PHACTR2: variants seen among roughly 807,000 people sequenced by gnomAD.
PHACTR2 encodes the protein phosphatase and actin regulator 2.
Under a neutral mutation model 76.0 loss-of-function variants are expected in PHACTR2, and 30 were observed. That is an observed-to-expected ratio of 0.39 (90% confidence interval 0.30 to 0.54). The LOEUF is 0.54. Ranked by LOEUF, PHACTR2 falls within the 20% of genes least tolerant of loss-of-function variation. The probability of loss-of-function intolerance (pLI) is 0.61; values close to 1 mark genes in which losing one functional copy is unlikely to be tolerated. For synonymous variants in PHACTR2, 292 were observed against 292.5 expected, an observed-to-expected ratio of 1.00 and a Z score of 0.02; for missense variants, 696 against 781.1, an observed-to-expected ratio of 0.89 and a Z score of 1.30.
rs150959391 is a variant in PHACTR2, at chr6:143,722,287, T to C, written c.214+10104T>C. ...TATCATATCCACATTTCTTGGATGCTAGTTTCTCCGAAAGCACTAGAAGTC... is the reference window on the plus strand; with the variant it reads ...TATCATATCCACATTTCTTGGATGCCAGTTTCTCCGAAAGCACTAGAAGTC... On this transcript the variant is annotated intron_variant, in intron 2 of 12. Transcript: ENST00000440869. This position sits in a 1 kb window ranked among gnomAD's most constrained non-coding sequence, Gnocchi z 4.1. 2.5e-3 allele frequency among the ~76,000 whole-genome samples: 382 copies of C among 152,308 alleles called. 2 individuals carry two copies. The highest frequency in any genetic ancestry group is 8.3e-3 in the African/African-American group (347 of 41,580).
rs1353189517 is a variant in PHACTR2 at position 143,652,080 on chromosome 6, AAG to A, written c.13+43759_13+43760del. Among the ~76,000 whole-genome samples the A allele has an allele frequency of 2.1e-4, 32 of 150,816 alleles. No individual in the cohort carries two copies. The highest frequency in any genetic ancestry group is 4.4e-4 in the Non-Finnish European group (30 of 67,684). On this transcript the variant is annotated intron_variant, in intron 1 of 11. Transcript: ENST00000305766. The surrounding 1 kb of genome is among the most constrained non-coding windows in gnomAD (Gnocchi z 4.5). The stretch of plus-strand genomic sequence containing the variant: ...TGTTGTTTAAGCAAAAAAAAAAAAA[AAG>A]GCCGGTAAACACTGGTGATTCTGCT...
rs746029770 is a variant in PHACTR2 at position 143,678,196 on chromosome 6, G to A, written c.33G>A (p.Pro11=). MGQTSVSTLS[P]QPGSVDGLDK... is the part of the protein sequence containing the mutation. ...AGACCTCGGTGTCCACGCTGTCCCC[G>A]CAGCCCGGCAGCGGTGAGTCCGGGG... Residue 11 remains proline, a synonymous_variant, in exon 1 of 13, where the codon CCG becomes CCA. Coordinates refer to ENST00000440869, the MANE Select transcript of PHACTR2 (RefSeq NM_001100164.2). The surrounding 1 kb of genome is among the most constrained non-coding windows in gnomAD (Gnocchi z 6.2). The A allele has an allele frequency of 1.3e-6, 2 of 1,536,146 alleles. No homozygotes were observed. The highest frequency in any genetic ancestry group is 2.4e-5 in the South Asian group (2 of 83,398).
rs1196095025 is a variant in PHACTR2 at position 143,820,492 on chromosome 6, A to AC, written c.1923-3179dup. 6.6e-6 allele frequency among the ~76,000 whole-genome samples: 1 copy of AC among 152,138 alleles called. No homozygotes were observed. The highest frequency in any genetic ancestry group is 1.5e-5 in the Non-Finnish European group (1 of 68,024). Reference sequence around the variant, plus strand: ...GCTACAGGCCCCATGCAAGTTCAAAACCCAACAAGGCAGTTGTTAAATCAT... The same window carrying AC: ...GCTACAGGCCCCATGCAAGTTCAAAACCCCAACAAGGCAGTTGTTAAATCAT... On this transcript the variant is annotated intron_variant, in intron 12 of 12. Transcript: ENST00000440869. The surrounding 1 kb of genome is among the most constrained non-coding windows in gnomAD (Gnocchi z 4.2).
chr6:143,643,924 C>G (rs373102736), intron 1 of PHACTR2, among the ~76,000 whole-genome samples: 1 of 152,060 alleles, frequency 6.6e-6, no homozygotes, highest in Non-Finnish European at 1.5e-5. Flanking sequence ...ATGTTGCTTA[C>G]TGGATATCAA....
At chr6:143,701,244 C>T (rs1228164851) in intron 1 of PHACTR2, among the ~76,000 whole-genome samples, 1 of 152,150 alleles carries the variant, frequency 6.6e-6, no homozygotes, top group Non-Finnish European at 1.5e-5. Context: ...TGCTTGCAGG[C>T]AGATGGAAGT....
Position 143,806,636 on chromosome 6 carries a change from T to C in PHACTR2, c.1846-421T>C, listed in dbSNP as rs999570527. On this transcript the variant is annotated intron_variant, in intron 11 of 12. Transcript: ENST00000440869. The surrounding 1 kb of genome is among the most constrained non-coding windows in gnomAD (Gnocchi z 5.8). ...TCATGGTTTTAGTTTGGCTATAGTA[T>C]GATATTATATTTATTACACCTTAAA... Among the ~76,000 whole-genome samples the C allele has an allele frequency of 1.3e-5, 2 of 152,160 alleles. No homozygotes were observed. Among genetic ancestry groups the C allele is most frequent in the Non-Finnish European group, 2.9e-5 (2 of 68,028 alleles).
At chr6:143,802,432 G>C (rs1775978225) in intron 11 of PHACTR2, among the ~76,000 whole-genome samples, 1 of 151,900 alleles carries the variant, frequency 6.6e-6, no homozygotes, top group Admixed American at 6.6e-5. Context: ...TTAAGCCCAG[G>C]AGTTCAAGAC....
chr6:143,678,263 G>T lies in PHACTR2; in HGVS notation c.46+54G>T. The T allele has an allele frequency of 7.2e-7, 1 of 1,397,240 alleles. No homozygotes were observed. Among genetic ancestry groups the T allele is most frequent in the Non-Finnish European group, 9.3e-7 (1 of 1,078,406 alleles). 86.6% of individuals were successfully genotyped at this position (1,397,240 alleles called of 1,614,324 possible). On this transcript the variant is annotated intron_variant, in intron 1 of 12. Transcript: ENST00000440869. This position sits in a 1 kb window ranked among gnomAD's most constrained non-coding sequence, Gnocchi z 6.2. ...CCGCCGCGCGGGCGCAGGGCTGGCG[G>T]CGGGGCCCCGGGGCAGGCAGGGTTA...
In PHACTR2 at chr6:143,678,036, A is replaced by C. The variant is rs1777287556; in HGVS notation, c.-128A>C. The C allele has an allele frequency of 4.0e-6, 6 of 1,518,696 alleles. No individual in the cohort carries two copies. In the South Asian group the frequency reaches 6.1e-5, roughly 15 times the overall value. 94.1% of individuals were successfully genotyped at this position (1,518,696 alleles called of 1,614,324 possible). ...GGAGACCCGCGCGGGGTAGAAGGTG[A>C]GGGGACCCGGCGGGCCGCTCGGCAC... On this transcript the variant is annotated 5_prime_UTR_variant, in exon 1 of 13. Coordinates refer to ENST00000440869, the MANE Select transcript of PHACTR2 (RefSeq NM_001100164.2). This position sits in a 1 kb window ranked among gnomAD's most constrained non-coding sequence, Gnocchi z 6.2.
chr6:143,612,610 T>C (rs922968074), intron 1 of PHACTR2, among the ~76,000 whole-genome samples: 10 of 151,632 alleles, frequency 6.6e-5, no homozygotes, highest in Admixed American at 1.3e-4. Context: ...ATGTTATATA[T>C]ACACACACAC....
In PHACTR2 at chr6:143,679,788, A is replaced by C. The variant is rs1463553208; in HGVS notation, c.46+1579A>C. Among the ~76,000 whole-genome samples, 3 of 152,180 alleles carry C rather than the reference A, an allele frequency of 2.0e-5. No homozygotes were observed. The highest frequency in any genetic ancestry group is 4.4e-5 in the Non-Finnish European group (3 of 68,018). ...ACAGCAAAAAAACCCGGATTGCTATAATTCCAAATAAAATGACTGATTATA... is the reference window on the plus strand; with the variant it reads ...ACAGCAAAAAAACCCGGATTGCTATCATTCCAAATAAAATGACTGATTATA... On this transcript the variant is annotated intron_variant, in intron 1 of 12. Transcript: ENST00000440869. This position sits in a 1 kb window ranked among gnomAD's most constrained non-coding sequence, Gnocchi z 4.6.
rs57738495 is a variant in PHACTR2, at chr6:143,703,156, T to TAAAA, written c.47-8842_47-8839dup. 6.3e-4 allele frequency among the ~76,000 whole-genome samples: 57 copies of TAAAA among 91,090 alleles called. 1 individual carries two copies. Among genetic ancestry groups the TAAAA allele is most frequent in the African/African-American group, 2.0e-3 (46 of 23,342 alleles). 59.8% of individuals were successfully genotyped at this position (91,090 alleles called of 152,430 possible). A position where few individuals can be genotyped will look rare whatever the true frequency, so the allele number is the denominator to read the frequency against. On this transcript the variant is annotated intron_variant, in intron 1 of 12. Transcript: ENST00000440869. ...AAACCCTGTCTCTACAAAAAATTAC[T>TAAAA]AAAAAAAAAAAAAAAAAAAAAGAAC...
In PHACTR2 at chr6:143,557,334, T is replaced by C. The variant is rs1775193222; in HGVS notation, c.217+20127T>C. ...TGGGGAAAGTGGAGAGGGAGGTAAA[T>C]CATCTTGGGTCATACAGCCAGTAAG... On this transcript the variant is annotated intron_variant, in intron 1 of 11. Transcript: ENST00000367584. The surrounding 1 kb of genome is among the most constrained non-coding windows in gnomAD (Gnocchi z 5.5). Among the ~76,000 whole-genome samples the C allele has an allele frequency of 6.6e-6, 1 of 152,164 alleles. No individual in the cohort carries two copies. The highest frequency in any genetic ancestry group is 1.5e-5 in the Non-Finnish European group (1 of 68,030).
At chr6:143,670,355 GT>G (rs979309178) in intron 1 of PHACTR2, among the ~76,000 whole-genome samples, 25 of 152,234 alleles carry the variant, frequency 1.6e-4, no homozygotes, top group Non-Finnish European at 3.4e-4. Flanking sequence ...TCTTTGTGGT[GT>G]TCTCTGTATT....
rs1211313200 is a variant in PHACTR2, at chr6:143,602,126, T to C, written c.217+64919T>C. 6.6e-6 allele frequency among the ~76,000 whole-genome samples: 1 copy of C among 152,212 alleles called. No individual in the cohort carries two copies. On this transcript the variant is annotated intron_variant, in intron 1 of 11. Transcript: ENST00000367584. This position sits in a 1 kb window ranked among gnomAD's most constrained non-coding sequence, Gnocchi z 6.1. ...CATTGTGCTGCCTAACATTAGTTCC[T>C]TTAGTTTTGTTTTCACTCTCGCTCT...
Position 143,633,352 on chromosome 6 carries a change from G to A in PHACTR2, c.13+25030G>A, listed in dbSNP as rs1054521707. Among the ~76,000 whole-genome samples, 3 of 152,028 alleles carry A rather than the reference G, an allele frequency of 2.0e-5. No individual in the cohort carries two copies. The highest frequency in any genetic ancestry group is 4.8e-5 in the African/African-American group (2 of 41,380). ...TTGCTTCAATTTGCAATTCCCTATC[G>A]GCATATGATGCTGAACATCTTTTCA... On this transcript the variant is annotated intron_variant, in intron 1 of 11. Transcript: ENST00000305766. This position sits in a 1 kb window ranked among gnomAD's most constrained non-coding sequence, Gnocchi z 4.1.
rs1339821299 is a variant in PHACTR2 at position 143,571,821 on chromosome 6, C to T, written c.217+34614C>T. On this transcript the variant is annotated intron_variant, in intron 1 of 11. Coordinates refer to the PHACTR2 transcript ENST00000367584. The surrounding 1 kb of genome is among the most constrained non-coding windows in gnomAD (Gnocchi z 4.6). Reference sequence around the variant, plus strand: ...CCCTGCTTTAGAATCAGTCTTTTCTCCTATGAGCCCTGCTTTCAGTATTAT... The same window carrying T: ...CCCTGCTTTAGAATCAGTCTTTTCTTCTATGAGCCCTGCTTTCAGTATTAT... 6.6e-6 allele frequency among the ~76,000 whole-genome samples: 1 copy of T among 152,142 alleles called. No individual in the cohort carries two copies. The highest frequency in any genetic ancestry group is 1.5e-5 in the Non-Finnish European group (1 of 68,042).
At position 143,738,935 on chromosome 6, in the gene PHACTR2, G is replaced by A. The variant is rs908479748; in HGVS notation, c.215-10050G>A. Among the ~76,000 whole-genome samples, 1 of 150,724 alleles carries A rather than the reference G, an allele frequency of 6.6e-6. No homozygotes were observed. The highest frequency in any genetic ancestry group is 2.4e-5 in the African/African-American group (1 of 40,876). ...AGTCCCTGAAATGTGTAGATTGAAA[G>A]CAGATCATGGAGAAGGGTGTTAGAA... On this transcript the variant is annotated intron_variant, in intron 2 of 12. Transcript: ENST00000440869. This position sits in a 1 kb window ranked among gnomAD's most constrained non-coding sequence, Gnocchi z 4.0.
In PHACTR2 at chr6:143,546,797, A is replaced by G. The variant is rs1483944569; in HGVS notation, c.217+9590A>G. Among the ~76,000 whole-genome samples the G allele has an allele frequency of 6.6e-6, 1 of 152,016 alleles. No homozygotes were observed. Among genetic ancestry groups the G allele is most frequent in the Admixed American group, 6.6e-5 (1 of 15,254 alleles). Reference sequence around the variant, plus strand: ...TCCCAACATTTTGGGAGGTGGAGGCAGAAGGATTGCTTGAGTCCAGGAGCT... The same window carrying G: ...TCCCAACATTTTGGGAGGTGGAGGCGGAAGGATTGCTTGAGTCCAGGAGCT... On this transcript the variant is annotated intron_variant, in intron 1 of 11. Coordinates refer to the PHACTR2 transcript ENST00000367584. This position sits in a 1 kb window ranked among gnomAD's most constrained non-coding sequence, Gnocchi z 4.9.
Sources: gnomAD v4.1 joint callset for allele counts (sites outside exome capture counted in the v4.1 genomes callset) on GRCh38, gnomAD v4.1.1 for gene constraint, Gnocchi (gnomAD v3.1) non-coding constraint, MANE v1.5 for transcripts, NCBI Gene and HGNC (gene_info 2026-07-23, HGNC 2026-07-21) for gene names.